MDH2: variants seen among roughly 807,000 people sequenced by gnomAD.
MDH2 encodes the protein malate dehydrogenase 2.
A neutral mutation model predicts 33.6 loss-of-function variants in MDH2; 25 were observed. The ratio of observed to expected loss-of-function variants is 0.74; its 90% confidence interval spans 0.54 to 1.04. The LOEUF is 1.04. Ranked by LOEUF, MDH2 falls within the 50% of genes least tolerant of loss-of-function variation. The probability of loss-of-function intolerance (pLI) is 0.00; values close to 1 mark genes in which losing one functional copy is unlikely to be tolerated. For missense variants in MDH2, 432 were observed against 445.0 expected, an observed-to-expected ratio of 0.97 and a Z score of 0.26; for synonymous variants, 193 against 188.7, an observed-to-expected ratio of 1.02 and a Z score of -0.19.
intron 5 of MDH2, among the ~76,000 whole-genome samples, chr7:76,063,160 G>A (rs982137074): frequency 6.6e-6 from 1 of 152,190 alleles, no homozygotes; most frequent in Non-Finnish European, 1.5e-5. Flanking sequence ...ATGGGGAGTG[G>A]AGCCGGCTCT....
At chr7:76,049,191 G>A (rs1797499614) in intron 1 of MDH2, 7 of 831,286 alleles carry the variant, frequency 8.4e-6, no homozygotes, top group Non-Finnish European at 1.0e-5. Flanking sequence ...TGGATTGATG[G>A]CTACTTCCCA....
intron 4 of MDH2, 27 bp downstream of exon 4, chr7:76,058,105 C>G (rs1236913519): frequency 1.3e-6 from 2 of 1,590,890 alleles, no homozygotes; most frequent in Admixed American, 1.7e-5. Flanking sequence ...CCGGCTCTTG[C>G]AGCTATGGCA....
At chr7:76,057,866 C>G (rs1585405601) in intron 3 of MDH2, 103 bp from the exon 4 acceptor site, 2 of 1,061,868 alleles carry the variant, frequency 1.9e-6, no homozygotes, top group Non-Finnish European at 2.8e-6. Context: ...AAACGGGGAC[C>G]TTGAGTGGCT....
At chr7:76,065,844 T>TGG (rs1295739466) in intron 8 of MDH2, among the ~76,000 whole-genome samples, 1 of 152,224 alleles carries the variant, frequency 6.6e-6, no homozygotes, top group Non-Finnish European at 1.5e-5. Context: ...GACAATGTTT[T>TGG]CAGTCCTTTA....
At chr7:76,049,398 G>C (rs1203559702) in intron 1 of MDH2, among the ~76,000 whole-genome samples, 1 of 152,172 alleles carries the variant, frequency 6.6e-6, no homozygotes, top group Non-Finnish European at 1.5e-5. Flanking sequence ...ACTATGCTGG[G>C]TGCTGCAGGG....
intron 1 of MDH2, among the ~76,000 whole-genome samples, chr7:76,049,465 G>C (rs1299164842): frequency 1.3e-5 from 2 of 152,070 alleles, no homozygotes; most frequent in East Asian, 1.9e-4. Context: ...AGTAAACTTA[G>C]GACAGGTGGA....
chr7:76,060,756 C>G (rs1797924593), intron 5 of MDH2, among the ~76,000 whole-genome samples: 1 of 152,020 alleles, frequency 6.6e-6, no homozygotes, highest in Non-Finnish European at 1.5e-5. Flanking sequence ...GCCAAGAGCA[C>G]TGTGGGTTCA....
chr7:76,058,114 C>A, intron 4 of MDH2, 36 bp downstream of exon 4: 1 of 1,579,296 alleles, frequency 6.3e-7, no homozygotes, highest in Non-Finnish European at 8.7e-7. Context: ...GCAGCTATGG[C>A]AGGTGTTTAG....
In MDH2 at chr7:76,066,852, G is replaced by A. The variant is rs920273905; in HGVS notation, c.*442G>A. 1 of 152,504 alleles carries A rather than the reference G, an allele frequency of 6.6e-6. No homozygotes were observed. The highest frequency in any genetic ancestry group is 2.4e-5 in the African/African-American group (1 of 41,468). The allele number at this position is 152,504 out of a possible 1,614,324, so 9.4% of individuals were successfully genotyped here. A position where few individuals can be genotyped will look rare whatever the true frequency, so the allele number is the denominator to read the frequency against. ...CGCCCAGGCCTGATTCCTCCTGGGG[G>A]TAGTTCACCCCCACGGGTTCATAGT... On this transcript the variant is annotated 3_prime_UTR_variant, in exon 9 of 9. Transcript: ENST00000315758.
chr7:76,063,649 C>T (rs1798012996), intron 6 of MDH2, 57 bp downstream of exon 6: 2 of 1,552,678 alleles, frequency 1.3e-6, no homozygotes, highest in Non-Finnish European at 8.9e-7. Flanking sequence ...TTACCAGGCC[C>T]TGCTTTGAGG....
At chr7:76,053,288 C>A (rs1637027) in intron 1 of MDH2, among the ~76,000 whole-genome samples, 2,104 of 152,132 alleles carry the variant, frequency 0.014, 42 homozygotes, top group African/African-American at 0.048. Flanking sequence ...TTGTGGAACC[C>A]ATGGAACGCC....
intron 4 of MDH2, among the ~76,000 whole-genome samples, chr7:76,060,118 T>C (rs546687267): frequency 1.5e-4 from 23 of 152,246 alleles, no homozygotes; most frequent in Non-Finnish European, 2.6e-4. Context: ...CATCACACAT[T>C]TCAGTTGATA....
At position 76,060,479 on chromosome 7, in the gene MDH2, C is replaced by A. The variant is rs782711691; in HGVS notation, c.536C>A (p.Thr179Asn). 6.2e-7 allele frequency: 1 copy of A among 1,614,140 alleles called. No homozygotes were observed. Reference sequence around the variant, plus strand: ...ACCCTGGACATCGTCAGAGCCAACACCTTTGTTGCAGAGCTGAAGGTAAGG... The same window carrying A: ...ACCCTGGACATCGTCAGAGCCAACAACTTTGTTGCAGAGCTGAAGGTAAGG... Reference protein sequence around the residue: ...VTTLDIVRANTFVAELKGLDP... With the variant: ...VTTLDIVRANNFVAELKGLDP... Residue 179 changes from threonine (T) to asparagine (N), a missense_variant, in exon 5 of 9, where the codon ACC (threonine) becomes AAC (asparagine). By Grantham distance (65) the Thr-to-Asn change is moderately conservative. Transcript: ENST00000315758.
intron 6 of MDH2, 65 bp downstream of exon 6, chr7:76,063,657 A>G (rs1798013246): frequency 2.0e-6 from 3 of 1,512,884 alleles, no homozygotes; most frequent in Non-Finnish European, 2.8e-6. Flanking sequence ...CCCTGCTTTG[A>G]GGTGATCCCG....
rs797030782 is a variant in MDH2 at position 76,049,251 on chromosome 7, T to C, written c.66+1025T>C. On this transcript the variant is annotated intron_variant, in intron 1 of 8. Coordinates refer to ENST00000315758, the MANE Select transcript of MDH2 (RefSeq NM_005918.4). ...CTAAGTCAAAAGGCGAGTTTAACTT[T>C]GTGTATTTTCAACTTGCAATGGGTT... 3.3e-5 allele frequency among the ~76,000 whole-genome samples: 5 copies of C among 152,308 alleles called. 1 individual carries two copies. Among genetic ancestry groups the C allele is most frequent in the African/African-American group, 1.2e-4 (5 of 41,560 alleles).
rs79663210 is a variant in MDH2, at chr7:76,055,008, G to A, written c.235+10G>A. On this transcript the variant is annotated intron_variant, in intron 2 of 8. Coordinates refer to ENST00000315758, the MANE Select transcript of MDH2 (RefSeq NM_005918.4). ...AAAGCCGCTGTGAAAGGTACTGGGC[G>A]CGCTGACCCTGGAGACTTGCTTCCT... 0.093 allele frequency: 148,668 copies of A among 1,602,360 alleles called. 7,462 individuals are homozygous for A. The highest frequency in any genetic ancestry group is 0.14 in the South Asian group (12,292 of 89,404).
intron 5 of MDH2, among the ~76,000 whole-genome samples, chr7:76,061,722 G>T (rs1304985057): frequency 1.3e-5 from 2 of 151,996 alleles, no homozygotes; most frequent in Admixed American, 6.5e-5. Flanking sequence ...CCGCAGTACG[G>T]AAGTGGACAC....
chr7:76,048,780 C>T, intron 1 of MDH2: 1 of 1,226,554 alleles, frequency 8.2e-7, no homozygotes, highest in Non-Finnish European at 1.0e-6. Context: ...TTTGGAGGAT[C>T]TCTCCTGCTG....
At position 76,054,863 on chromosome 7, in the gene MDH2, G is replaced by A; in HGVS notation, c.100G>A (p.Gly34Arg). Residue 34 changes from glycine to arginine, a missense_variant, in exon 2 of 9, where the codon GGA becomes AGA. By Grantham distance (125) the Gly-to-Arg change is moderately radical. Coordinates refer to ENST00000315758, the MANE Select transcript of MDH2 (RefSeq NM_005918.4). ...NAKVAVLGAS[G>R]GIGQPLSLLL... ...TAAAGTAGCTGTGCTAGGGGCCTCTGGAGGCATCGGGCAGCCACTTTCACT... is the reference window on the plus strand; with the variant it reads ...TAAAGTAGCTGTGCTAGGGGCCTCTAGAGGCATCGGGCAGCCACTTTCACT... 1 of 1,614,166 alleles carries A rather than the reference G, an allele frequency of 6.2e-7. No individual in the cohort carries two copies. The highest frequency in any genetic ancestry group is 8.5e-7 in the Non-Finnish European group (1 of 1,180,034).
Sources: allele counts gnomAD v4.1 joint callset (sites outside exome capture counted in the v4.1 genomes callset), GRCh38; gene constraint gnomAD v4.1.1; transcripts MANE v1.5; gene names NCBI Gene and HGNC (gene_info 2026-07-23, HGNC 2026-07-21).